Variants in TTLL5 observed in about 807,000 individuals in gnomAD.
The protein encoded by TTLL5 is tubulin tyrosine ligase like 5.
Under a neutral mutation model 168.4 loss-of-function variants are expected in TTLL5, and 132 were observed. The ratio of observed to expected loss-of-function variants is 0.78; its 90% CI spans 0.68 to 0.91. TTLL5 has a LOEUF of 0.91. Ranked by LOEUF, TTLL5 falls within the 40% of genes least tolerant of loss-of-function variation. TTLL5 has a pLI of 0.00. For missense variants in TTLL5, 1,545 were observed against 1,581.5 expected, an observed-to-expected ratio of 0.98 and a Z score of 0.39; for synonymous variants, 546 against 558.6, an observed-to-expected ratio of 0.98 and a Z score of 0.32.
intron 29 of TTLL5, among the ~76,000 whole-genome samples, chr14:75,866,328 T>G (rs1210385399): frequency 6.6e-6 from 1 of 152,204 alleles, no homozygotes; most frequent in Non-Finnish European, 1.5e-5. Flanking sequence ...ACCCTTTAGA[T>G]AGCAATGGTA....
At position 75,870,366 on chromosome 14, in the gene TTLL5, C is replaced by T. The variant is rs923783958; in HGVS notation, c.3522+6504C>T. On this transcript the variant is annotated intron_variant, in intron 29 of 31. Coordinates refer to ENST00000298832, the MANE Select transcript of TTLL5 (RefSeq NM_015072.5). ...AAGCTATCCTCCCACCTCTTGCCTC[C>T]CTGAGAGCTGAGATTACAGGCGTGA... Among the ~76,000 whole-genome samples the T allele has an allele frequency of 3.3e-5, 5 of 152,102 alleles. No individual in the cohort carries two copies. The East Asian group carries it at 9.7e-4, about 29-fold the overall frequency.
At chr14:75,903,770 C>T (rs533282279) in intron 31 of TTLL5, among the ~76,000 whole-genome samples, 97 of 151,804 alleles carry the variant, frequency 6.4e-4, no homozygotes, top group African/African-American at 2.3e-3. Flanking sequence ...TGTGACATGC[C>T]GCTAGTCCTA....
intron 9 of TTLL5, among the ~76,000 whole-genome samples, chr14:75,713,727 G>A (rs1238655836): frequency 6.6e-6 from 1 of 152,142 alleles, no homozygotes; most frequent in African/African-American, 2.4e-5. Flanking sequence ...TCATCTAAAG[G>A]CATTTACTAT....
intron 30 of TTLL5, among the ~76,000 whole-genome samples, chr14:75,885,925 A>C (rs573756674): frequency 6.6e-6 from 1 of 152,228 alleles, no homozygotes; most frequent in East Asian, 1.9e-4. Context: ...AGAAATTTTC[A>C]TGTAAATTTT....
chr14:75,777,754 A>G (rs891565049), intron 23 of TTLL5, among the ~76,000 whole-genome samples: 2 of 152,318 alleles, frequency 1.3e-5, no homozygotes, highest in South Asian at 4.1e-4. Flanking sequence ...TAAATGAGGT[A>G]GGGGTAGGAG....
intron 30 of TTLL5, among the ~76,000 whole-genome samples, chr14:75,894,750 A>C (rs1214615561): frequency 6.6e-6 from 1 of 152,240 alleles, no homozygotes; most frequent in Non-Finnish European, 1.5e-5. Context: ...GTAAAATATC[A>C]ACAAAAGATA....
At chr14:75,867,680 A>C (rs1404197740) in intron 29 of TTLL5, among the ~76,000 whole-genome samples, 1 of 151,966 alleles carries the variant, frequency 6.6e-6, no homozygotes, top group Non-Finnish European at 1.5e-5. Flanking sequence ...GAATCACTTG[A>C]ACCCGGGAGG....
At chr14:75,689,345 C>T (rs1885286177) in intron 5 of TTLL5, 1 of 152,228 alleles carries the variant, frequency 6.6e-6, no homozygotes, top group Admixed American at 6.5e-5. Flanking sequence ...TCCCACATTC[C>T]TGGCCCCAGA....
At chr14:75,933,840 G>T (rs2034352645) in intron 31 of TTLL5, among the ~76,000 whole-genome samples, 1 of 152,202 alleles carries the variant, frequency 6.6e-6, no homozygotes, top group African/African-American at 2.4e-5. Flanking sequence ...ACAAGAGGAG[G>T]AAATATGGAC....
intron 28 of TTLL5, among the ~76,000 whole-genome samples, chr14:75,821,827 C>T (rs1376389373): frequency 6.6e-6 from 1 of 152,152 alleles, no homozygotes; most frequent in Admixed American, 6.5e-5. Context: ...CCCATTCCAG[C>T]CAAAAAGCAA....
At chr14:75,752,741 G>T in intron 17 of TTLL5, 152 bp from the exon 18 acceptor site, 3 of 528,798 alleles carry the variant, frequency 5.7e-6, no homozygotes, top group Non-Finnish European at 6.6e-6. Flanking sequence ...TTGAGCAACT[G>T]TCTTTTCCTT....
chr14:75,915,380 C>G (rs1377681757), intron 31 of TTLL5, among the ~76,000 whole-genome samples: 1 of 152,224 alleles, frequency 6.6e-6, no homozygotes, highest in Non-Finnish European at 1.5e-5. Context: ...TCAACCCTTA[C>G]TTGTTACCTT....
intron 6 of TTLL5, among the ~76,000 whole-genome samples, chr14:75,691,972 C>T (rs1174219867): frequency 1.3e-5 from 2 of 152,182 alleles, no homozygotes; most frequent in African/African-American, 4.8e-5. Flanking sequence ...GTTGGCAATT[C>T]ATTGTTTGCC....
chr14:75,760,579 T>C (rs918289487), intron 18 of TTLL5, among the ~76,000 whole-genome samples: 1 of 152,042 alleles, frequency 6.6e-6, no homozygotes, highest in Non-Finnish European at 1.5e-5. Context: ...ACTGTAATTC[T>C]ACAGTATTCA....
chr14:75,917,118 C>T (rs151162713), intron 31 of TTLL5, among the ~76,000 whole-genome samples: 40 of 152,190 alleles, frequency 2.6e-4, no homozygotes, highest in African/African-American at 9.4e-4. Flanking sequence ...ATGGGATGGT[C>T]GTGCAGCGTG....
intron 15 of TTLL5, among the ~76,000 whole-genome samples, chr14:75,740,012 C>T (rs1248612168): frequency 6.6e-6 from 1 of 152,180 alleles, no homozygotes; most frequent in Non-Finnish European, 1.5e-5. Flanking sequence ...AGTTAATACC[C>T]ATTCCAGAAA....
intron 6 of TTLL5, among the ~76,000 whole-genome samples, chr14:75,694,576 C>T (rs1040665554): frequency 7.9e-5 from 12 of 152,204 alleles, no homozygotes; most frequent in African/African-American, 1.7e-4. Context: ...TCAGGTGATC[C>T]GCCCACCTCG....
At chr14:75,698,473 G>GAA (rs1886021823) in intron 6 of TTLL5, among the ~76,000 whole-genome samples, 1 of 152,070 alleles carries the variant, frequency 6.6e-6, no homozygotes, top group Non-Finnish European at 1.5e-5. Context: ...CTAGATTTTG[G>GAA]CTTACATTGA....
At chr14:75,888,494 G>A (rs1251708438) in intron 30 of TTLL5, among the ~76,000 whole-genome samples, 1 of 152,164 alleles carries the variant, frequency 6.6e-6, no homozygotes, top group East Asian at 1.9e-4. Context: ...AGGAATTTAT[G>A]CTAACCTCTG....
Sources: gnomAD v4.1 joint callset for allele counts (sites outside exome capture counted in the v4.1 genomes callset) on GRCh38, gnomAD v4.1.1 for gene constraint, MANE v1.5 for transcripts, NCBI Gene and HGNC (gene_info 2026-07-23, HGNC 2026-07-21) for gene names.